SNX27: variants seen among roughly 807,000 people sequenced by gnomAD.
SNX27 encodes sorting nexin-27.
SNX27 carries 22 observed loss-of-function variants against 71.6 expected under a neutral mutation model. That is an observed-to-expected ratio of 0.31 (90% confidence interval 0.22 to 0.44). The LOEUF is 0.44. Ranked by LOEUF, SNX27 falls within the 20% of genes least tolerant of loss-of-function variation. SNX27 has a pLI of 1.00. For synonymous variants in SNX27, 269 were observed against 277.2 expected, an observed-to-expected ratio of 0.97 and a Z score of 0.29; for missense variants, 531 against 698.6, an observed-to-expected ratio of 0.76 and a Z score of 2.70.
intron 2 of SNX27, among the ~76,000 whole-genome samples, chr1:151,653,513 A>G (rs1203257757): frequency 1.3e-5 from 2 of 151,972 alleles, no homozygotes; most frequent in Non-Finnish European, 2.9e-5. Context: ...GAAGGTTTTT[A>G]AATTTATTTA....
At chr1:151,643,414 C>T (rs1668875015) in intron 2 of SNX27, among the ~76,000 whole-genome samples, 1 of 151,902 alleles carries the variant, frequency 6.6e-6, no homozygotes, top group Non-Finnish European at 1.5e-5. Flanking sequence ...CCTGCCTCAG[C>T]CTCCCCAGCA....
chr1:151,612,596 C>G lies in SNX27; in HGVS notation c.311+84C>G. On this transcript the variant is annotated intron_variant, in intron 1 of 11. Coordinates refer to ENST00000458013, the MANE Select transcript of SNX27 (RefSeq NM_001330723.2). This position sits in a 1 kb window ranked among gnomAD's most constrained non-coding sequence, Gnocchi z 5.2. ...CCTCGCTACCCTTGTCACCCCCAGG[C>G]CGCACCTCCCCCGAGCTCCGAGCCG... is the stretch of plus-strand genomic sequence containing the variant. The G allele has an allele frequency of 9.4e-7, 1 of 1,064,882 alleles. No individual in the cohort carries two copies. Among genetic ancestry groups the G allele is most frequent in the Non-Finnish European group, 1.2e-6 (1 of 823,828 alleles). 66.0% of individuals were successfully genotyped at this position (1,064,882 alleles called of 1,614,324 possible).
chr1:151,653,835 T>TG (rs1480087883), intron 2 of SNX27, among the ~76,000 whole-genome samples: 1 of 85,800 alleles, frequency 1.2e-5, no homozygotes, highest in Non-Finnish European at 3.2e-5. Context: ...GAGTTTTTTT[T>TG]GTTTTTTTTT....
intron 2 of SNX27, among the ~76,000 whole-genome samples, chr1:151,646,882 G>GACACACACAC (rs76803336): frequency 4.0e-5 from 6 of 148,582 alleles, no homozygotes; most frequent in African/African-American, 1.2e-4. Context: ...GCTGGACACA[G>GACACACACAC]ACACACACAC....
intron 3 of SNX27, among the ~76,000 whole-genome samples, chr1:151,658,717 C>A (rs1669814924): frequency 6.6e-6 from 1 of 152,116 alleles, no homozygotes; most frequent in African/African-American, 2.4e-5. Flanking sequence ...CGGAGTCTCG[C>A]TCTGTCGCCA....
chr1:151,652,494 C>T (rs1269651572), intron 2 of SNX27, among the ~76,000 whole-genome samples: 3 of 149,118 alleles, frequency 2.0e-5, no homozygotes, highest in Non-Finnish European at 4.5e-5. Context: ...CTGCAACCTC[C>T]GCCTCCCAAG....
Position 151,638,802 on chromosome 1 carries a change from A to T in SNX27, c.312-86A>T, listed in dbSNP as rs116541053. On this transcript the variant is annotated intron_variant, in intron 1 of 11. Transcript: ENST00000458013. ...GACTTCATGGTTCATACCGTGTGAC[A>T]CTGGAGTTTGGGCAGGAGGGTGGAG... 8.0e-4 allele frequency: 958 copies of T among 1,202,538 alleles called. 5 individuals are homozygous for T. Among genetic ancestry groups the T allele is most frequent in the South Asian group, 3.8e-3 (302 of 79,860 alleles). The allele number at this position is 1,202,538 out of a possible 1,614,324, so 74.5% of individuals were successfully genotyped here. A position where few individuals can be genotyped will look rare whatever the true frequency, so the allele number is the denominator to read the frequency against.
chr1:151,642,886 C>T (rs1420094378), intron 2 of SNX27, among the ~76,000 whole-genome samples: 3 of 152,070 alleles, frequency 2.0e-5, no homozygotes, highest in Non-Finnish European at 2.9e-5. Context: ...GTGGTCCACC[C>T]GCCTCGGCCT....
chr1:151,654,130 C>A (rs771254528), intron 2 of SNX27, among the ~76,000 whole-genome samples: 1 of 152,176 alleles, frequency 6.6e-6, no homozygotes, highest in Non-Finnish European at 1.5e-5. Context: ...CGTGCCCGGC[C>A]GACCCTGGAG....
intron 8 of SNX27, among the ~76,000 whole-genome samples, chr1:151,684,932 T>C (rs893710661): frequency 2.0e-5 from 3 of 151,876 alleles, no homozygotes; most frequent in Non-Finnish European, 4.4e-5. Flanking sequence ...CCTCAGCCTC[T>C]CGAGTAGCTG....
At chr1:151,677,200 T>G (rs1273375381) in intron 7 of SNX27, 1 of 152,212 alleles carries the variant, frequency 6.6e-6, no homozygotes, top group Non-Finnish European at 1.5e-5. Context: ...GTTAAATTTA[T>G]AGTTTACTGA....
intron 2 of SNX27, among the ~76,000 whole-genome samples, chr1:151,654,075 C>T (rs1035771056): frequency 6.6e-6 from 1 of 152,152 alleles, no homozygotes; most frequent in Admixed American, 6.5e-5. Flanking sequence ...TCGTGATCCA[C>T]CCGTCTTGGA....
chr1:151,685,321 T>A (rs1671143825), intron 8 of SNX27: 1 of 152,198 alleles, frequency 6.6e-6, no homozygotes, highest in African/African-American at 2.4e-5. Flanking sequence ...TTTGAATTCT[T>A]TTGTACCTTC....
chr1:151,616,518 G>C (rs911193385), intron 1 of SNX27, among the ~76,000 whole-genome samples: 2 of 152,118 alleles, frequency 1.3e-5, no homozygotes. Flanking sequence ...AAATAAAACT[G>C]TGTATATCAA....
intron 2 of SNX27, among the ~76,000 whole-genome samples, chr1:151,647,132 C>CTT (rs56999871): frequency 1.8e-3 from 236 of 130,236 alleles, no homozygotes; most frequent in Middle Eastern, 8.2e-3. Flanking sequence ...ATCTCTATTA[C>CTT]TTTTTTTTTT....
chr1:151,641,629 A>ATATATATATC (rs1195933776), intron 2 of SNX27, among the ~76,000 whole-genome samples: 1 of 120,078 alleles, frequency 8.3e-6, no homozygotes, highest in Non-Finnish European at 1.7e-5. Flanking sequence ...ATATATATAT[A>ATATATATATC]TCATATGTAT....
At chr1:151,678,652 T>TGAG (rs1670806172) in intron 7 of SNX27, 1 of 152,204 alleles carries the variant, frequency 6.6e-6, no homozygotes, top group African/African-American at 2.4e-5. Context: ...TTCAACTTCT[T>TGAG]GAGGAACTGC....
intron 1 of SNX27, among the ~76,000 whole-genome samples, chr1:151,633,960 A>ATG (rs1451484331): frequency 1.3e-5 from 2 of 150,172 alleles, no homozygotes; most frequent in Non-Finnish European, 3.0e-5. Context: ...GTTTGTGTAG[A>ATG]TGTGTATGTG....
chr1:151,663,152 ATT>A (rs1280028273), intron 5 of SNX27, among the ~76,000 whole-genome samples: 11 of 140,386 alleles, frequency 7.8e-5, no homozygotes, highest in Admixed American at 1.4e-4. Flanking sequence ...ATCACATTTG[ATT>A]TTTTTTTTTT....
Sources: allele counts gnomAD v4.1 joint callset (sites outside exome capture counted in the v4.1 genomes callset), GRCh38; gene constraint gnomAD v4.1.1; non-coding constraint Gnocchi (gnomAD v3.1); transcripts MANE v1.5; gene names NCBI Gene and HGNC (gene_info 2026-07-23, HGNC 2026-07-21).